The following SLC26A7 variants were observed in gnomAD, a reference collection of about 807,000 sequenced individuals.
SLC26A7 encodes solute carrier family 26 member 7.
In SLC26A7, 59 loss-of-function variants were observed where a neutral mutation model predicts 82.5. The ratio of observed to expected loss-of-function variants is 0.72; its 90% confidence interval spans 0.58 to 0.89. The LOEUF is 0.89. SLC26A7 is among the 40% of genes least tolerant of loss of function. The pLI is 0.00. For synonymous variants in SLC26A7, 271 were observed against 274.3 expected (o/e 0.99, Z 0.12); for missense variants, 820 against 793.0 (o/e 1.03, Z -0.41).
intron 13 of SLC26A7, among the ~76,000 whole-genome samples, chr8:91,364,834 C>T (rs1039547601): frequency 5.9e-5 from 9 of 152,154 alleles, no homozygotes; most frequent in African/African-American, 2.2e-4. Flanking sequence ...TGATTGGTTT[C>T]TGTCTATTCA....
At chr8:91,356,452 T>C (rs1165392005) in intron 11 of SLC26A7, among the ~76,000 whole-genome samples, 4 of 152,140 alleles carry the variant, frequency 2.6e-5, no homozygotes, top group Non-Finnish European at 4.4e-5. Context: ...CTCATTGTGG[T>C]TTTGATTTGC....
At chr8:91,311,073 T>C (rs912388541) in intron 4 of SLC26A7, among the ~76,000 whole-genome samples, 2 of 152,182 alleles carry the variant, frequency 1.3e-5, no homozygotes, top group Non-Finnish European at 2.9e-5. Context: ...CCCATATGGA[T>C]TTGTTGCAAC....
At chr8:91,327,910 G>T (rs1812976857) in intron 5 of SLC26A7, among the ~76,000 whole-genome samples, 1 of 151,986 alleles carries the variant, frequency 6.6e-6, no homozygotes, top group African/African-American at 2.4e-5. Context: ...ATTCAAAGAT[G>T]TATTCATCAT....
At chr8:91,238,988 T>A (rs1011506756) in intron 2 of SLC26A7, among the ~76,000 whole-genome samples, 1 of 152,198 alleles carries the variant, frequency 6.6e-6, no homozygotes, top group African/African-American at 2.4e-5. Context: ...ACTAAGCATA[T>A]TTATTACTTT....
chr8:91,260,217 G>T (rs1324630527), intron 2 of SLC26A7, among the ~76,000 whole-genome samples: 1 of 152,082 alleles, frequency 6.6e-6, no homozygotes, highest in Non-Finnish European at 1.5e-5. Context: ...GGTAAAACAA[G>T]CACCTTCTTC....
chr8:91,308,185 C>T (rs1009747109), intron 4 of SLC26A7, among the ~76,000 whole-genome samples: 14 of 151,472 alleles, frequency 9.2e-5, no homozygotes, highest in Admixed American at 6.6e-4. Context: ...GCCCCTCAAT[C>T]GGGATATGTT....
chr8:91,370,945 CTT>C (rs1177508864), intron 15 of SLC26A7, among the ~76,000 whole-genome samples: 4 of 151,668 alleles, frequency 2.6e-5, no homozygotes, highest in African/African-American at 7.3e-5. Context: ...TATTGGAAAT[CTT>C]TGACAGATAT....
intron 1 of SLC26A7, among the ~76,000 whole-genome samples, chr8:91,218,513 C>T (rs1183792404): frequency 6.6e-6 from 1 of 151,990 alleles, no homozygotes; most frequent in African/African-American, 2.4e-5. Context: ...ACCAAGATAC[C>T]CATTAAGAAG....
chr8:91,348,418 C>T (rs1409069541), intron 9 of SLC26A7: 1 of 893,196 alleles, frequency 1.1e-6, no homozygotes, highest in Non-Finnish European at 1.3e-6. Flanking sequence ...AATAAAAATG[C>T]ATGTATGGTC....
chr8:91,279,070 A>G (rs1811483363), intron 2 of SLC26A7, among the ~76,000 whole-genome samples: 1 of 147,070 alleles, frequency 6.8e-6, no homozygotes, highest in Non-Finnish European at 1.5e-5. Context: ...GTCACAAATG[A>G]TAGGATCCCC....
intron 5 of SLC26A7, among the ~76,000 whole-genome samples, chr8:91,322,481 C>T (rs929203321): frequency 6.6e-6 from 1 of 152,044 alleles, no homozygotes; most frequent in Admixed American, 6.6e-5. Context: ...TGGTTCCTCA[C>T]ACAGATAAGA....
chr8:91,279,151 A>ATG (rs1458900916), intron 2 of SLC26A7, among the ~76,000 whole-genome samples: 1 of 107,300 alleles, frequency 9.3e-6, no homozygotes, highest in Non-Finnish European at 2.0e-5. Context: ...ATATATATAT[A>ATG]TATATATATA....
intron 2 of SLC26A7, among the ~76,000 whole-genome samples, chr8:91,240,988 A>G (rs1430049342): frequency 6.6e-6 from 1 of 152,152 alleles, no homozygotes; most frequent in Non-Finnish European, 1.5e-5. Context: ...ATACTGTCCA[A>G]TAAAAATGAC....
intron 3 of SLC26A7, among the ~76,000 whole-genome samples, chr8:91,291,065 TTA>T (rs2130769047): frequency 6.6e-6 from 1 of 152,298 alleles, no homozygotes; most frequent in South Asian, 2.1e-4. Context: ...GTTTATATGT[TTA>T]TGCATATTTG....
chr8:91,338,137 T>C lies in SLC26A7; in HGVS notation c.796-13T>C. On this transcript the variant is annotated splice_polypyrimidine_tract_variant and intron_variant, in intron 6 of 18. Coordinates refer to ENST00000276609, the MANE Select transcript of SLC26A7 (RefSeq NM_052832.4). ...TGTATATATTTTTTCTTTTTTCAAA[T>C]GGAACCACACAGATTATTGCTGCAT... is the stretch of plus-strand genomic sequence containing the variant. The C allele has an allele frequency of 6.3e-7, 1 of 1,584,966 alleles. No homozygotes were observed. The highest frequency in any genetic ancestry group is 8.5e-7 in the Non-Finnish European group (1 of 1,170,540).
intron 2 of SLC26A7, among the ~76,000 whole-genome samples, chr8:91,221,744 A>G (rs1810163550): frequency 6.6e-6 from 1 of 152,134 alleles, no homozygotes; most frequent in African/African-American, 2.4e-5. Context: ...CTGTTTTGGT[A>G]CCAGTACAAT....
At chr8:91,380,971 A>G (rs1292559863) in intron 15 of SLC26A7, among the ~76,000 whole-genome samples, 1 of 152,202 alleles carries the variant, frequency 6.6e-6, no homozygotes, top group African/African-American at 2.4e-5. Flanking sequence ...GTTATATGTT[A>G]TACTGACATA....
At chr8:91,386,473 TAA>T (rs527675591) in intron 15 of SLC26A7, among the ~76,000 whole-genome samples, 1 of 152,256 alleles carries the variant, frequency 6.6e-6, no homozygotes, top group Admixed American at 6.5e-5. Flanking sequence ...AGTAAGTGGA[TAA>T]AAAAGGACAA....
At chr8:91,279,328 G>A (rs1260323545) in intron 2 of SLC26A7, among the ~76,000 whole-genome samples, 2 of 151,546 alleles carry the variant, frequency 1.3e-5, no homozygotes, top group Non-Finnish European at 2.9e-5. Flanking sequence ...TGGAGTTGCT[G>A]ATTCATATGG....
Sources: allele counts gnomAD v4.1 joint callset (sites outside exome capture counted in the v4.1 genomes callset), GRCh38; gene constraint gnomAD v4.1.1; transcripts MANE v1.5; gene names NCBI Gene and HGNC (gene_info 2026-07-23, HGNC 2026-07-21).